The following NFASC variants were observed in gnomAD, a reference collection of about 807,000 sequenced individuals.
NFASC encodes the protein neurofascin.
NFASC carries 43 observed loss-of-function variants against 147.5 expected under a neutral mutation model. The ratio of observed to expected loss-of-function variants is 0.29; its 90% CI spans 0.23 to 0.38. The LOEUF is 0.38. Among genes scored for constraint, NFASC ranks in the 10% least tolerant of loss-of-function variants. The probability of loss-of-function intolerance (pLI) is 1.00; values close to 1 mark genes in which losing one functional copy is unlikely to be tolerated. For synonymous variants in NFASC, 622 were observed against 665.5 expected (o/e 0.93, Z 1.01); for missense variants, 1,320 against 1,689.0 (o/e 0.78, Z 3.83).
intron 3 of NFASC, among the ~76,000 whole-genome samples, chr1:204,947,843 C>T (rs2093860836): frequency 6.6e-6 from 1 of 151,452 alleles, no homozygotes; most frequent in Non-Finnish European, 1.5e-5. Flanking sequence ...GGCCTCAACT[C>T]ATATGCACAC....
intron 2 of NFASC, among the ~76,000 whole-genome samples, chr1:204,932,326 A>AT (rs1349015845): frequency 4.6e-5 from 7 of 152,094 alleles, no homozygotes; most frequent in Non-Finnish European, 7.4e-5. Flanking sequence ...CATTTTTGAG[A>AT]TTTTTTAAAG....
chr1:204,952,542 G>A (rs375848651), intron 5 of NFASC, among the ~76,000 whole-genome samples: 1 of 152,198 alleles, frequency 6.6e-6, no homozygotes, highest in South Asian at 2.1e-4. Flanking sequence ...CCTGTTGTGT[G>A]TGTGTCCGGG....
intron 2 of NFASC, among the ~76,000 whole-genome samples, chr1:204,939,046 G>A (rs1026347598): frequency 3.4e-4 from 50 of 148,974 alleles, no homozygotes; most frequent in Middle Eastern, 3.4e-3. Context: ...GGATGTGTGT[G>A]TGTGTGTGTG....
chr1:204,892,694 A>G (rs2082641082), intron 1 of NFASC, among the ~76,000 whole-genome samples: 1 of 152,256 alleles, frequency 6.6e-6, no homozygotes, highest in Non-Finnish European at 1.5e-5. Flanking sequence ...TGTATTGATT[A>G]GAAGCTGATA....
At chr1:204,955,319 T>C (rs1053387241) in intron 7 of NFASC, among the ~76,000 whole-genome samples, 1 of 152,166 alleles carries the variant, frequency 6.6e-6, no homozygotes, top group Non-Finnish European at 1.5e-5. Flanking sequence ...CAGTAAGCAC[T>C]TGGAAACATG....
Position 204,830,760 on chromosome 1 carries a change from C to T in NFASC, c.-200+1978C>T, listed in dbSNP as rs912877559. ...CACTGTGGAACAGGGAATGGCAGCC[C>T]GATTCCTGTCTTAGGGGCTTAGACG... On this transcript the variant is annotated intron_variant, in intron 1 of 29. Coordinates refer to ENST00000339876, the MANE Select transcript of NFASC (RefSeq NM_001005388.3). Among the ~76,000 whole-genome samples, 4 of 152,310 alleles carry T rather than the reference C, an allele frequency of 2.6e-5. No individual in the cohort carries two copies. The East Asian group carries it at 5.8e-4, about 22-fold the overall frequency.
At chr1:204,856,384 T>G (rs1354639867) in intron 1 of NFASC, among the ~76,000 whole-genome samples, 1 of 144,288 alleles carries the variant, frequency 6.9e-6, no homozygotes, top group Admixed American at 6.8e-5. Flanking sequence ...GCAGAACAGG[T>G]GTGTGTGTGT....
chr1:204,969,087 C>T, intron 10 of NFASC, 105 bp downstream of exon 10: 2 of 1,003,794 alleles, frequency 2.0e-6, no homozygotes, highest in Non-Finnish European at 2.9e-6. Context: ...GGAGAGACTT[C>T]CAGCCCACTG....
chr1:204,971,412 C>A (rs2095252082), intron 11 of NFASC, among the ~76,000 whole-genome samples: 1 of 152,118 alleles, frequency 6.6e-6, no homozygotes, highest in Non-Finnish European at 1.5e-5. Flanking sequence ...TCAAAATGTC[C>A]TGTCCTTACT....
chr1:204,905,806 A>T (rs2085726617), intron 1 of NFASC, among the ~76,000 whole-genome samples: 1 of 152,186 alleles, frequency 6.6e-6, no homozygotes, highest in Non-Finnish European at 1.5e-5. Context: ...AAATTTGCTG[A>T]ATCAGTTTGT....
intron 3 of NFASC, among the ~76,000 whole-genome samples, chr1:204,949,338 A>G (rs2093970306): frequency 6.6e-6 from 1 of 152,108 alleles, no homozygotes; most frequent in South Asian, 2.1e-4. Context: ...CTAAGCCCCC[A>G]GAATCCTCGC....
intron 8 of NFASC, among the ~76,000 whole-genome samples, chr1:204,966,232 C>T (rs1211818842): frequency 6.6e-6 from 1 of 152,188 alleles, no homozygotes; most frequent in East Asian, 1.9e-4. Context: ...CAGCAGAACT[C>T]TGTGCTAAAT....
At chr1:204,886,177 T>C (rs2081279398) in intron 1 of NFASC, among the ~76,000 whole-genome samples, 1 of 152,192 alleles carries the variant, frequency 6.6e-6, no homozygotes, top group Admixed American at 6.5e-5. Flanking sequence ...GCTTCTAAAC[T>C]GACTCAGCAG....
chr1:204,871,303 G>A (rs1372028158), intron 1 of NFASC, among the ~76,000 whole-genome samples: 1 of 151,728 alleles, frequency 6.6e-6, no homozygotes, highest in Non-Finnish European at 1.5e-5. Context: ...GGAAAGAGGT[G>A]GTGGTACTGG....
chr1:205,006,864 A>G (rs1299012162), intron 27 of NFASC, among the ~76,000 whole-genome samples: 1 of 152,124 alleles, frequency 6.6e-6, no homozygotes, highest in African/African-American at 2.4e-5. Context: ...GCATCCAAGG[A>G]GAGCTGTAGG....
At chr1:204,925,551 C>T (rs558209643) in intron 2 of NFASC, among the ~76,000 whole-genome samples, 61 of 152,358 alleles carry the variant, frequency 4.0e-4, no homozygotes, top group African/African-American at 1.4e-3. Flanking sequence ...ATACTCACTT[C>T]TGTGAAGGGC....
intron 7 of NFASC, among the ~76,000 whole-genome samples, 171 bp downstream of exon 7, chr1:204,955,122 C>T (rs1573682057): frequency 6.6e-6 from 1 of 152,162 alleles, no homozygotes; most frequent in African/African-American, 2.4e-5. Context: ...GCTGCTTGGG[C>T]TTATTTTCTA....
chr1:204,911,065 G>T (rs1376961595), intron 1 of NFASC, among the ~76,000 whole-genome samples: 1 of 152,020 alleles, frequency 6.6e-6, no homozygotes, highest in African/African-American at 2.4e-5. Context: ...AATGTTATCT[G>T]TCTATTTTCT....
chr1:204,884,116 T>C (rs182747778), intron 1 of NFASC, among the ~76,000 whole-genome samples: 9 of 152,292 alleles, frequency 5.9e-5, no homozygotes, highest in Admixed American at 3.3e-4. Flanking sequence ...GTGATTCTCC[T>C]TGGACATGTA....
Sources: gnomAD v4.1 joint callset for allele counts (sites outside exome capture counted in the v4.1 genomes callset) on GRCh38, gnomAD v4.1.1 for gene constraint, MANE v1.5 for transcripts, NCBI Gene and HGNC (gene_info 2026-07-23, HGNC 2026-07-21) for gene names.